EEPD1: variants seen among roughly 807,000 people sequenced by gnomAD.
EEPD1 encodes the protein endonuclease/exonuclease/phosphatase family domain containing 1.
Under a neutral mutation model 46.3 loss-of-function variants are expected in EEPD1, and 17 were observed. The observed-to-expected ratio is 0.37, with a 90% CI of 0.25 to 0.55. The LOEUF is 0.55. Among genes scored for constraint, EEPD1 ranks in the 20% least tolerant of loss-of-function variants. The pLI is 0.83. For synonymous variants in EEPD1, 313 were observed against 315.6 expected (o/e 0.99, Z 0.09); for missense variants, 673 against 745.6 (o/e 0.90, Z 1.13).
chr7:36,212,913 G>A (rs1162841292), intron 2 of EEPD1, among the ~76,000 whole-genome samples: 1 of 152,164 alleles, frequency 6.6e-6, no homozygotes, highest in East Asian at 1.9e-4. Flanking sequence ...AGCACTTTGG[G>A]AGGCCAAGGC....
At chr7:36,268,208 G>C (rs950851435) in intron 3 of EEPD1, among the ~76,000 whole-genome samples, 1 of 152,140 alleles carries the variant, frequency 6.6e-6, no homozygotes, top group Non-Finnish European at 1.5e-5. Context: ...CTGGAGTGCA[G>C]TGGTGTGATC....
chr7:36,286,277 G>T (rs559755150), intron 5 of EEPD1, among the ~76,000 whole-genome samples: 1 of 152,350 alleles, frequency 6.6e-6, no homozygotes, highest in South Asian at 2.1e-4. Context: ...GCAGTACAGA[G>T]ATGGGGCTCA....
intron 3 of EEPD1, among the ~76,000 whole-genome samples, chr7:36,243,257 CAG>C: frequency 6.6e-6 from 1 of 151,130 alleles, no homozygotes; most frequent in South Asian, 2.1e-4. Flanking sequence ...ATTAACTAGT[CAG>C]AAAGAATCTA....
At chr7:36,211,617 G>A (rs1186640872) in intron 2 of EEPD1, among the ~76,000 whole-genome samples, 2 of 152,048 alleles carry the variant, frequency 1.3e-5, no homozygotes, top group South Asian at 2.1e-4. Context: ...CAGTGGGTTC[G>A]ACTACTTTTA....
rs376722060 is a variant in EEPD1 at position 36,287,790 on chromosome 7, C to T, written c.1315+13C>T. On this transcript the variant is annotated intron_variant, in intron 6 of 7. Coordinates refer to ENST00000242108, the MANE Select transcript of EEPD1 (RefSeq NM_030636.3). ...GAAACCCTGAAAGGTAGGACATTGT[C>T]TTTTGCTGTGACTCGGCCACTGTTT... 1.2e-5 allele frequency: 19 copies of T among 1,612,630 alleles called. No homozygotes were observed. The African/African-American group carries it at 1.6e-4, about 14-fold the overall frequency.
intron 2 of EEPD1, among the ~76,000 whole-genome samples, chr7:36,205,199 C>T (rs547777964): frequency 2.0e-5 from 3 of 152,160 alleles, no homozygotes; most frequent in African/African-American, 7.2e-5. Context: ...AAACAGGCAT[C>T]ACATTCCATG....
chr7:36,235,451 C>A (rs1317397246), intron 2 of EEPD1, among the ~76,000 whole-genome samples: 2 of 152,222 alleles, frequency 1.3e-5, no homozygotes, highest in Non-Finnish European at 2.9e-5. Flanking sequence ...GCCTTTTTTC[C>A]CAGCCTTCCT....
chr7:36,282,753 T>G (rs1452431241), intron 4 of EEPD1, among the ~76,000 whole-genome samples: 1 of 152,218 alleles, frequency 6.6e-6, no homozygotes, highest in African/African-American at 2.4e-5. Context: ...CCGCCTGCAG[T>G]GGACTGAGAG....
At chr7:36,196,753 G>C (rs1318558482) in intron 2 of EEPD1, among the ~76,000 whole-genome samples, 1 of 152,196 alleles carries the variant, frequency 6.6e-6, no homozygotes, top group Admixed American at 6.5e-5. Context: ...GCGTGATCTC[G>C]GCTCGCTACG....
intron 2 of EEPD1, among the ~76,000 whole-genome samples, chr7:36,177,747 T>G (rs1307219480): frequency 6.6e-6 from 1 of 152,196 alleles, no homozygotes; most frequent in African/African-American, 2.4e-5. Context: ...AGAATCTCAC[T>G]CTGTCACCCA....
At chr7:36,288,422 C>T (rs928222007) in intron 6 of EEPD1, among the ~76,000 whole-genome samples, 17 of 152,080 alleles carry the variant, frequency 1.1e-4, no homozygotes, top group Non-Finnish European at 2.4e-4. Context: ...TTCATGTACA[C>T]GAGTTGACTC....
intron 2 of EEPD1, among the ~76,000 whole-genome samples, chr7:36,231,635 G>A (rs774455342): frequency 4.6e-5 from 7 of 152,180 alleles, no homozygotes; most frequent in Non-Finnish European, 4.4e-5. Context: ...GGCAGGAACT[G>A]TGTGTTCATC....
At chr7:36,200,194 AT>A (rs1418101087) in intron 2 of EEPD1, among the ~76,000 whole-genome samples, 1 of 151,866 alleles carries the variant, frequency 6.6e-6, no homozygotes, top group Non-Finnish European at 1.5e-5. Context: ...CTGTGTTCTC[AT>A]CATTTATCTT....
At chr7:36,153,898 A>G (rs1784766804) in intron 1 of EEPD1, among the ~76,000 whole-genome samples, 1 of 152,104 alleles carries the variant, frequency 6.6e-6, no homozygotes, top group Non-Finnish European at 1.5e-5. Context: ...TGATGGGGAT[A>G]GGTCTCTTCC....
chr7:36,246,715 T>C (rs981269767), intron 3 of EEPD1, among the ~76,000 whole-genome samples: 1 of 152,158 alleles, frequency 6.6e-6, no homozygotes, highest in African/African-American at 2.4e-5. Flanking sequence ...ATTTCAGCTT[T>C]GGAGCCCAAC....
At chr7:36,241,930 G>C (rs1381529178) in intron 3 of EEPD1, among the ~76,000 whole-genome samples, 2 of 152,172 alleles carry the variant, frequency 1.3e-5, no homozygotes, top group African/African-American at 4.8e-5. Flanking sequence ...ATTTAGAGAG[G>C]TCCCAGAGCT....
intron 6 of EEPD1, among the ~76,000 whole-genome samples, chr7:36,291,172 T>C (rs1183977445): frequency 6.6e-6 from 1 of 152,198 alleles, no homozygotes; most frequent in Non-Finnish European, 1.5e-5. Context: ...TATGGGAACT[T>C]TGTTTTCTTT....
chr7:36,289,192 T>C (rs1787387873), intron 6 of EEPD1, among the ~76,000 whole-genome samples: 1 of 152,234 alleles, frequency 6.6e-6, no homozygotes, highest in South Asian at 2.1e-4. Flanking sequence ...ACATAAAATT[T>C]ACCATTTTAA....
chr7:36,185,490 G>T (rs1785348658), intron 2 of EEPD1, among the ~76,000 whole-genome samples: 1 of 152,138 alleles, frequency 6.6e-6, no homozygotes, highest in African/African-American at 2.4e-5. Context: ...GTGTATGGGG[G>T]CAAAAATTTC....
Sources: allele counts gnomAD v4.1 joint callset (sites outside exome capture counted in the v4.1 genomes callset), GRCh38; gene constraint gnomAD v4.1.1; transcripts MANE v1.5; gene names NCBI Gene and HGNC (gene_info 2026-07-23, HGNC 2026-07-21).